The following DPYD variants were observed in gnomAD, a reference collection of about 807,000 sequenced individuals.
DPYD encodes dihydropyrimidine dehydrogenase [NADP(+)].
DPYD carries 109 observed loss-of-function variants against 116.2 expected under a neutral mutation model. The observed-to-expected ratio is 0.94, with a 90% confidence interval of 0.80 to 1.10. The LOEUF (loss-of-function observed/expected upper bound fraction) is 1.10, where lower values mean the gene tolerates loss of function less well. DPYD is among the 50% of genes least tolerant of loss of function. The probability of loss-of-function intolerance (pLI) is 0.00; values close to 1 mark genes in which losing one functional copy is unlikely to be tolerated. For synonymous variants in DPYD, 440 were observed against 432.0 expected, an observed-to-expected ratio of 1.02 and a Z score of -0.23; for missense variants, 1,302 against 1,254.5, an observed-to-expected ratio of 1.04 and a Z score of -0.57.
At chr1:97,551,701 T>G (rs1192335590) in intron 11 of DPYD, among the ~76,000 whole-genome samples, 1 of 152,148 alleles carries the variant, frequency 6.6e-6, no homozygotes, top group Non-Finnish European at 1.5e-5. Context: ...AATTCCTTAG[T>G]TATCTCTGAG....
At chr1:97,733,722 T>A (rs1571268639) in intron 4 of DPYD, among the ~76,000 whole-genome samples, 1 of 152,152 alleles carries the variant, frequency 6.6e-6, no homozygotes, top group Non-Finnish European at 1.5e-5. Context: ...TAGAACAAAT[T>A]AATAAAGCAT....
At chr1:97,834,420 A>C (rs573405056) in intron 2 of DPYD, among the ~76,000 whole-genome samples, 1 of 152,102 alleles carries the variant, frequency 6.6e-6, no homozygotes, top group East Asian at 1.9e-4. Flanking sequence ...TTATAAGGTA[A>C]ATAGGCCTCA....
intron 18 of DPYD, among the ~76,000 whole-genome samples, chr1:97,302,512 T>C (rs1348534369): frequency 1.3e-5 from 2 of 151,936 alleles, no homozygotes; most frequent in African/African-American, 2.4e-5. Context: ...AAAGTGCTTC[T>C]AAAATAGCAA....
chr1:97,534,294 T>C (rs993458967), intron 12 of DPYD, among the ~76,000 whole-genome samples: 2 of 152,246 alleles, frequency 1.3e-5, no homozygotes, highest in Middle Eastern at 6.8e-3. Flanking sequence ...AGGTAAAATT[T>C]TGAGTATTGG....
At chr1:97,221,596 T>C (rs1255504168) in intron 19 of DPYD, among the ~76,000 whole-genome samples, 1 of 152,076 alleles carries the variant, frequency 6.6e-6, no homozygotes, top group Non-Finnish European at 1.5e-5. Flanking sequence ...ACAGTCCAGG[T>C]TTTCTAGATC....
In DPYD at chr1:97,173,556, A is replaced by G. The variant is rs187166179; in HGVS notation, c.2622+19513T>C. 6.7e-5 allele frequency among the ~76,000 whole-genome samples: 10 copies of G among 148,262 alleles called. No individual in the cohort carries two copies. The East Asian group carries it at 2.0e-3, about 30-fold the overall frequency. The stretch of plus-strand genomic sequence containing the variant: ...TGTGAAGTATTTAGAGTTTATTACT[A>G]TTTTTTTTTTAACAATTGATCATCA... On this transcript the variant is annotated intron_variant, in intron 20 of 22. Coordinates refer to ENST00000370192, the MANE Select transcript of DPYD (RefSeq NM_000110.4).
At chr1:97,434,902 T>A (rs1675387575) in intron 14 of DPYD, among the ~76,000 whole-genome samples, 1 of 152,010 alleles carries the variant, frequency 6.6e-6, no homozygotes, top group African/African-American at 2.4e-5. Context: ...ATATCAGTCT[T>A]ATCATGCAAT....
chr1:97,660,156 G>T (rs1407322974), intron 8 of DPYD, among the ~76,000 whole-genome samples: 1 of 152,026 alleles, frequency 6.6e-6, no homozygotes, highest in African/African-American at 2.4e-5. Flanking sequence ...GACCTGATAG[G>T]ATTAACTTCT....
chr1:97,168,271 A>G (rs1163627488), intron 20 of DPYD, among the ~76,000 whole-genome samples: 3 of 152,218 alleles, frequency 2.0e-5, no homozygotes, highest in African/African-American at 7.2e-5. Context: ...AATGCCTTCC[A>G]GAAAGCAAGA....
In DPYD at chr1:97,692,090, A is replaced by G. The variant is rs1422637348; in HGVS notation, c.681-292T>C. On this transcript the variant is annotated intron_variant, in intron 6 of 22. Coordinates refer to ENST00000370192, the MANE Select transcript of DPYD (RefSeq NM_000110.4). ...AGCAATTTCAATACTTTTAAGTTCA[A>G]TAAAGTATTTGGTTGATTTATTTAA... Among the ~76,000 whole-genome samples, 17 of 152,156 alleles carry G rather than the reference A, an allele frequency of 1.1e-4. 1 individual carries two copies. The highest frequency in any genetic ancestry group is 1.5e-5 in the Non-Finnish European group (1 of 68,012).
At chr1:97,570,123 C>A (rs1652792682) in intron 11 of DPYD, among the ~76,000 whole-genome samples, 2 of 151,852 alleles carry the variant, frequency 1.3e-5, no homozygotes, top group African/African-American at 4.8e-5. Context: ...ATTTTACATT[C>A]TCCATTGTGA....
intron 11 of DPYD, among the ~76,000 whole-genome samples, chr1:97,550,718 G>T (rs1054767054): frequency 2.6e-5 from 4 of 152,062 alleles, no homozygotes; most frequent in Admixed American, 2.0e-4. Context: ...ACTCCAAAGA[G>T]AAAATATTAG....
At chr1:97,260,860 G>T (rs1663827840) in intron 18 of DPYD, among the ~76,000 whole-genome samples, 1 of 152,108 alleles carries the variant, frequency 6.6e-6, no homozygotes, top group Admixed American at 6.6e-5. Flanking sequence ...GTAGCAGACA[G>T]TCCAGAGGGA....
chr1:97,515,453 TAA>T (rs1418332504), intron 13 of DPYD, among the ~76,000 whole-genome samples: 1 of 151,920 alleles, frequency 6.6e-6, no homozygotes, highest in Non-Finnish European at 1.5e-5. Flanking sequence ...AATACAAAAA[TAA>T]GAGTTTGAGA....
chr1:97,609,995 A>G (rs1338874119), intron 8 of DPYD, among the ~76,000 whole-genome samples: 1 of 151,992 alleles, frequency 6.6e-6, no homozygotes, highest in East Asian at 1.9e-4. Context: ...ACAATGACAA[A>G]AATCAATTCA....
intron 13 of DPYD, among the ~76,000 whole-genome samples, chr1:97,487,392 G>T (rs2101895428): frequency 6.6e-6 from 1 of 152,288 alleles, no homozygotes; most frequent in Middle Eastern, 3.4e-3. Flanking sequence ...ATGACAATGA[G>T]GCCAGGCGCG....
chr1:97,666,785 A>C (rs1449809634), intron 8 of DPYD, among the ~76,000 whole-genome samples: 1 of 152,312 alleles, frequency 6.6e-6, no homozygotes, highest in Admixed American at 6.5e-5. Flanking sequence ...AGGGATAGCT[A>C]TCTCTTCTGC....
chr1:97,883,152 A>T, intron 2 of DPYD, 112 bp downstream of exon 2: 2 of 663,934 alleles, frequency 3.0e-6, no homozygotes, highest in South Asian at 2.0e-5. Context: ...AAATATTTTT[A>T]AAATCACGGC....
chr1:97,240,466 C>G (rs1473282338), intron 18 of DPYD, among the ~76,000 whole-genome samples: 1 of 151,926 alleles, frequency 6.6e-6, no homozygotes, highest in African/African-American at 2.4e-5. Context: ...TTTGACTCCT[C>G]TAGGACAGCG....
Sources: allele counts gnomAD v4.1 joint callset (sites outside exome capture counted in the v4.1 genomes callset), GRCh38; gene constraint gnomAD v4.1.1; transcripts MANE v1.5; gene names NCBI Gene and HGNC (gene_info 2026-07-23, HGNC 2026-07-21).